Variants in FAT3 observed in about 807,000 individuals in gnomAD.
FAT3 encodes the protein FAT atypical cadherin 3, also known as protocadherin Fat 3.
A neutral mutation model predicts 310.2 loss-of-function variants in FAT3; 95 were observed. The ratio of observed to expected loss-of-function variants is 0.31; its 90% CI spans 0.26 to 0.36. The LOEUF is 0.36. Ranked by LOEUF, FAT3 falls within the 10% of genes least tolerant of loss-of-function variation. The probability of loss-of-function intolerance (pLI) is 1.00; values close to 1 mark genes in which losing one functional copy is unlikely to be tolerated. For synonymous variants in FAT3, 2,314 were observed against 2,192.9 expected, an observed-to-expected ratio of 1.06 and a Z score of -1.54; for missense variants, 5,408 against 5,715.6, an observed-to-expected ratio of 0.95 and a Z score of 1.74.
chr11:92,734,223 AG>A (rs1329460592), intron 4 of FAT3, among the ~76,000 whole-genome samples: 3 of 152,204 alleles, frequency 2.0e-5, no homozygotes, highest in Non-Finnish European at 4.4e-5. Flanking sequence ...TGTCTCTGGA[AG>A]GGAGAGAGAA....
At chr11:92,456,259 G>A (rs1951490051) in intron 2 of FAT3, among the ~76,000 whole-genome samples, 1 of 152,106 alleles carries the variant, frequency 6.6e-6, no homozygotes, top group Non-Finnish European at 1.5e-5. Flanking sequence ...CTGGTCCATG[G>A]TAAATGTTCA....
At chr11:92,561,060 G>T (rs150855538) in intron 3 of FAT3, among the ~76,000 whole-genome samples, 1 of 152,240 alleles carries the variant, frequency 6.6e-6, no homozygotes. Flanking sequence ...GTGATTTAAG[G>T]CTGGGTAGGC....
At chr11:92,649,037 A>G (rs560105648) in intron 3 of FAT3, among the ~76,000 whole-genome samples, 31 of 152,250 alleles carry the variant, frequency 2.0e-4, no homozygotes, top group Admixed American at 1.5e-3. Context: ...TTTAGCTTCA[A>G]AATGCACCTG....
intron 4 of FAT3, among the ~76,000 whole-genome samples, chr11:92,749,230 A>AATTTAGG (rs1945758513): frequency 1.3e-5 from 2 of 152,174 alleles, no homozygotes; most frequent in South Asian, 4.1e-4. Context: ...AGAGCTCAGC[A>AATTTAGG]TTCTGGAAAA....
chr11:92,890,349 G>T (rs7101614), intron 27 of FAT3, 142 bp from the exon 28 acceptor site: 386,798 of 971,520 alleles, frequency 0.4, 79,848 homozygotes, highest in African/African-American at 0.53. Context: ...AAGCATGGCT[G>T]GCCCCATAGA....
At chr11:92,295,456 G>A (rs909783121) in intron 1 of FAT3, among the ~76,000 whole-genome samples, 9 of 152,104 alleles carry the variant, frequency 5.9e-5, no homozygotes, top group Non-Finnish European at 1.2e-4. Flanking sequence ...GAGCTGTGCC[G>A]TGTCTGAATA....
chr11:92,232,485 G>A (rs1864224282), intron 1 of FAT3, among the ~76,000 whole-genome samples: 1 of 152,154 alleles, frequency 6.6e-6, no homozygotes, highest in South Asian at 2.1e-4. Flanking sequence ...GGTTTAATTA[G>A]TGAACAAGGA....
At chr11:92,769,094 C>T (rs1404025183) in intron 6 of FAT3, among the ~76,000 whole-genome samples, 1 of 152,164 alleles carries the variant, frequency 6.6e-6, no homozygotes, top group Non-Finnish European at 1.5e-5. Flanking sequence ...TTCACAAAAG[C>T]TGGGTAGCAA....
chr11:92,589,304 A>T (rs1939309582), intron 3 of FAT3, among the ~76,000 whole-genome samples: 1 of 152,070 alleles, frequency 6.6e-6, no homozygotes, highest in African/African-American at 2.4e-5. Flanking sequence ...GATGACCATG[A>T]TTTCCCATTA....
At position 92,798,787 on chromosome 11, in the gene FAT3, G is replaced by A. The variant is rs763322207; in HGVS notation, c.5774G>A (p.Gly1925Asp). 1.2e-6 allele frequency: 2 copies of A among 1,613,678 alleles called. No individual in the cohort carries two copies. The highest frequency in any genetic ancestry group is 1.7e-6 in the Non-Finnish European group (2 of 1,179,848). The change falls in exon 10 of 28, where the codon GGC becomes GAC. Residue 1925 changes from glycine to aspartate, a missense_variant. Gly to Asp is a moderately conservative substitution (Grantham distance 94). Transcript: ENST00000525166. ...GAACTGACATACAGCCTAATGGAAGGCAGTTTGGATCATTTTTTAATTGAC... is the reference window on the plus strand; with the variant it reads ...GAACTGACATACAGCCTAATGGAAGACAGTTTGGATCATTTTTTAATTGAC... Reference protein sequence around the residue: ...PPELTYSLMEGSLDHFLIDSN... With the variant: ...PPELTYSLMEDSLDHFLIDSN...
At chr11:92,648,430 GT>G (rs1322209973) in intron 3 of FAT3, among the ~76,000 whole-genome samples, 1 of 152,156 alleles carries the variant, frequency 6.6e-6, no homozygotes, top group Non-Finnish European at 1.5e-5. Context: ...GCTTCTGGAA[GT>G]TTTGGCAGTT....
intron 2 of FAT3, among the ~76,000 whole-genome samples, chr11:92,497,072 ATTTGTCTGGAG>A (rs1952790469): frequency 6.6e-6 from 1 of 152,008 alleles, no homozygotes; most frequent in Admixed American, 6.6e-5. Context: ...ATTCAGTAGC[ATTTGTCTGGAG>A]TTTGTCTGGA....
chr11:92,621,106 G>C (rs1405875161), intron 3 of FAT3, among the ~76,000 whole-genome samples: 1 of 152,102 alleles, frequency 6.6e-6, no homozygotes, highest in Non-Finnish European at 1.5e-5. Flanking sequence ...ACACAAACAT[G>C]CAATCCATAC....
intron 3 of FAT3, among the ~76,000 whole-genome samples, chr11:92,590,428 A>G (rs1408984304): frequency 6.6e-6 from 1 of 152,160 alleles, no homozygotes; most frequent in East Asian, 1.9e-4. Flanking sequence ...GAGGGTAAGT[A>G]AGAATAAACA....
intron 2 of FAT3, among the ~76,000 whole-genome samples, chr11:92,427,238 G>C (rs944162607): frequency 1.3e-5 from 2 of 152,174 alleles, no homozygotes; most frequent in African/African-American, 4.8e-5. Flanking sequence ...CTGAGACTTT[G>C]CTGAAGTTGC....
chr11:92,852,198 A>G (rs889876916), intron 19 of FAT3, among the ~76,000 whole-genome samples: 1 of 152,230 alleles, frequency 6.6e-6, no homozygotes, highest in Admixed American at 6.5e-5. Flanking sequence ...TATTTCATAA[A>G]GGACTTAATT....
chr11:92,532,816 G>A (rs1954126209), intron 3 of FAT3, among the ~76,000 whole-genome samples: 2 of 152,040 alleles, frequency 1.3e-5, no homozygotes, highest in South Asian at 4.2e-4. Context: ...TCAATATGTG[G>A]ATTGTTTCAT....
intron 3 of FAT3, among the ~76,000 whole-genome samples, chr11:92,638,840 C>T (rs184561514): frequency 5.5e-4 from 84 of 152,198 alleles, no homozygotes; most frequent in Non-Finnish European, 1.3e-4. Context: ...AACCCAATGA[C>T]GATTGGTCTG....
chr11:92,540,545 T>C (rs1954412816), intron 3 of FAT3, among the ~76,000 whole-genome samples: 1 of 152,212 alleles, frequency 6.6e-6, no homozygotes, highest in African/African-American at 2.4e-5. Flanking sequence ...ATGAGACTCC[T>C]GTTGGAGAAA....
Sources: allele counts gnomAD v4.1 joint callset (sites outside exome capture counted in the v4.1 genomes callset), GRCh38; gene constraint gnomAD v4.1.1; transcripts MANE v1.5; gene names NCBI Gene and HGNC (gene_info 2026-07-23, HGNC 2026-07-21).